Variants in CBR4 observed in about 807,000 individuals in gnomAD.
CBR4 encodes the protein carbonyl reductase 4.
Under a neutral mutation model 21.0 loss-of-function variants are expected in CBR4, and 22 were observed. That is an observed-to-expected ratio of 1.05 (90% CI 0.75 to 1.50). CBR4 has a LOEUF of 1.50. Among genes scored for constraint, CBR4 ranks in the 40% most tolerant of loss-of-function variants. The pLI is 0.00. For synonymous variants in CBR4, 100 were observed against 104.4 expected, an observed-to-expected ratio of 0.96 and a Z score of 0.26; for missense variants, 302 against 286.3, an observed-to-expected ratio of 1.05 and a Z score of -0.40.
At chr4:168,932,675 A>G (rs1025149123) in intron 2 of CBR4, among the ~76,000 whole-genome samples, 3 of 152,200 alleles carry the variant, frequency 2.0e-5, no homozygotes, top group African/African-American at 7.2e-5. Context: ...TTCTAACAAC[A>G]GCAAGAGAAA....
chr4:168,943,948 T>C lies in CBR4; in HGVS notation n.170-49183A>G, dbSNP rs182902448. On this transcript the variant is annotated intron_variant and non_coding_transcript_variant, in intron 2 of 3. Transcript: ENST00000509108. ...ACAAAAACAAAAAACAAAACGCCTC[T>C]GATAATGCAATACCATTTTACAAGA... Among the ~76,000 whole-genome samples the C allele has an allele frequency of 1.1e-3, 165 of 152,052 alleles. 1 individual carries two copies. The highest frequency in any genetic ancestry group is 3.6e-3 in the African/African-American group (148 of 41,502).
chr4:168,954,455 T>C lies in CBR4; in HGVS notation n.169+47616A>G, dbSNP rs148332562. 3.3e-3 allele frequency among the ~76,000 whole-genome samples: 500 copies of C among 152,240 alleles called. 4 individuals are homozygous for C. The highest frequency in any genetic ancestry group is 4.0e-3 in the Non-Finnish European group (272 of 68,008). On this transcript the variant is annotated intron_variant and non_coding_transcript_variant, in intron 2 of 3. Transcript: ENST00000509108. Reference sequence around the variant, plus strand: ...AGGGCCTTCTTTTTGCATCATCCCATAGCAGAAAGCAGAAAGGCAAGCAAA... The same window carrying C: ...AGGGCCTTCTTTTTGCATCATCCCACAGCAGAAAGCAGAAAGGCAAGCAAA...
chr4:168,971,462 T>G (rs1053704575), intron 2 of CBR4, among the ~76,000 whole-genome samples: 1 of 145,326 alleles, frequency 6.9e-6, no homozygotes, highest in East Asian at 2.0e-4. Context: ...TTTTTTTGTA[T>G]TTTTAGTAGA....
Position 168,987,688 on chromosome 4 carries a change from TAGAAAAAATGTTTCACCAATGTTA to T in CBR4, c.*2438_*2461del. On this transcript the variant is annotated 3_prime_UTR_variant, in exon 5 of 5. Transcript: ENST00000306193. ...TTACACATATTCCTTTTGAAAATCT[TAGAAAAAATGTTTCACCAATGTTA>T]AGGTACAACTCTTGAATATGCAGCG... 3 of 982,096 alleles carry T rather than the reference TAGAAAAAATGTTTCACCAATGTTA, an allele frequency of 3.1e-6. No individual in the cohort carries two copies. Among genetic ancestry groups the T allele is most frequent in the Non-Finnish European group, 3.6e-6 (3 of 826,886 alleles). The allele number at this position is 982,096 out of a possible 1,614,324, so 60.8% of individuals were successfully genotyped here.
chr4:168,958,881 T>C (rs1440343490), intron 2 of CBR4, among the ~76,000 whole-genome samples: 1 of 152,220 alleles, frequency 6.6e-6, no homozygotes. Flanking sequence ...GGCCATGTTT[T>C]ATTTTGTTGT....
chr4:168,934,798 T>C (rs562651428), intron 2 of CBR4, among the ~76,000 whole-genome samples: 4 of 152,134 alleles, frequency 2.6e-5, no homozygotes, highest in Non-Finnish European at 5.9e-5. Context: ...ATTCCAAAAA[T>C]TGAAGAGAAG....
At chr4:168,925,265 G>A in intron 2 of CBR4, 1 of 1,606,102 alleles carries the variant, frequency 6.2e-7, no homozygotes, top group East Asian at 2.2e-5. Context: ...CACACCAGGA[G>A]AACAAATACC....
intron 2 of CBR4, among the ~76,000 whole-genome samples, chr4:168,956,577 G>A (rs887200636): frequency 1.8e-4 from 21 of 115,548 alleles, no homozygotes; most frequent in Non-Finnish European, 3.2e-4. Flanking sequence ...CAGCCTGGGC[G>A]ACACAGCCAG....
At chr4:169,007,835 C>T (rs913345000) in intron 1 of CBR4, 79 bp from the exon 2 acceptor site, 7 of 1,043,942 alleles carry the variant, frequency 6.7e-6, no homozygotes, top group Non-Finnish European at 9.7e-6. Context: ...AAGCATCTAT[C>T]TAAGATGGCA....
chr4:168,956,780 C>T (rs1008037792), intron 2 of CBR4, among the ~76,000 whole-genome samples: 3 of 151,920 alleles, frequency 2.0e-5, no homozygotes, highest in African/African-American at 7.3e-5. Flanking sequence ...TATAATTTGC[C>T]AAAAGCACGA....
In CBR4 at chr4:168,987,604, ATACTT is replaced by A. The variant is rs1412735728; in HGVS notation, c.*2541_*2545del. 3.3e-6 allele frequency: 3 copies of A among 906,072 alleles called. No individual in the cohort carries two copies. Among genetic ancestry groups the A allele is most frequent in the African/African-American group, 3.6e-5 (2 of 55,630 alleles). 56.1% of individuals were successfully genotyped at this position (906,072 alleles called of 1,614,324 possible). ...ACATCAGAAAGTTTAAAATCATTAA[ATACTT>A]TATTTAAGAACAGTTTGTTTACCAA... On this transcript the variant is annotated 3_prime_UTR_variant, in exon 5 of 5. Coordinates refer to ENST00000306193, the MANE Select transcript of CBR4 (RefSeq NM_032783.5).
intron 2 of CBR4, among the ~76,000 whole-genome samples, chr4:168,933,771 C>G (rs1237675561): frequency 1.3e-5 from 2 of 152,084 alleles, no homozygotes; most frequent in African/African-American, 4.8e-5. Context: ...GGACACAAAC[C>G]AAGCTCAAAA....
At chr4:168,971,554 G>T (rs1019744933) in intron 2 of CBR4, among the ~76,000 whole-genome samples, 3 of 151,748 alleles carry the variant, frequency 2.0e-5, no homozygotes, top group Non-Finnish European at 4.4e-5. Context: ...AAAGTGCTGG[G>T]ATTAGAGGCA....
intron 1 of CBR4, chr4:169,008,833 C>A: frequency 2.6e-6 from 1 of 383,118 alleles, no homozygotes; most frequent in South Asian, 1.9e-5. Flanking sequence ...TGACACTCTC[C>A]CTGACCTATA....
chr4:168,921,490 CTG>C (rs753485569), intron 2 of CBR4: 2 of 1,342,594 alleles, frequency 1.5e-6, no homozygotes, highest in African/African-American at 1.5e-5. Flanking sequence ...TGATTTCACT[CTG>C]TTTTAATACA....
At chr4:168,928,327 A>T (rs200796758) in intron 2 of CBR4, 8 of 12,770 alleles carry the variant, frequency 6.3e-4, no homozygotes, top group Non-Finnish European at 7.6e-4. Context: ...TTGTATTTAT[A>T]AAAAAAAAAG....
At chr4:168,996,019 C>A (rs1030617724) in intron 4 of CBR4, among the ~76,000 whole-genome samples, 1 of 152,134 alleles carries the variant, frequency 6.6e-6, no homozygotes, top group African/African-American at 2.4e-5. Flanking sequence ...CCACCCACCT[C>A]GAATGAAAAG....
chr4:168,934,869 G>T (rs1763065174), intron 2 of CBR4, among the ~76,000 whole-genome samples: 1 of 151,940 alleles, frequency 6.6e-6, no homozygotes, highest in Admixed American at 6.5e-5. Context: ...ACCAGATAAG[G>T]ACATAACAAA....
intron 2 of CBR4, among the ~76,000 whole-genome samples, chr4:168,931,514 C>A (rs113595469): frequency 6.6e-6 from 1 of 152,030 alleles, no homozygotes; most frequent in African/African-American, 2.4e-5. Flanking sequence ...TAAGAAAGAG[C>A]CCCATGGGGT....
Sources: allele counts gnomAD v4.1 joint callset (sites outside exome capture counted in the v4.1 genomes callset), GRCh38; gene constraint gnomAD v4.1.1; transcripts MANE v1.5; gene names NCBI Gene and HGNC (gene_info 2026-07-23, HGNC 2026-07-21).